LRRC37B: variants seen among roughly 807,000 people sequenced by gnomAD.
LRRC37B encodes the protein leucine-rich repeat-containing protein 37B.
Under a neutral mutation model 98.3 loss-of-function variants are expected in LRRC37B, and 28 were observed. The ratio of observed to expected loss-of-function variants is 0.28; its 90% CI spans 0.21 to 0.39. The LOEUF (loss-of-function observed/expected upper bound fraction) is 0.39, where lower values mean the gene tolerates loss of function less well. Ranked by LOEUF, LRRC37B falls within the 10% of genes least tolerant of loss-of-function variation. The probability of loss-of-function intolerance (pLI) is 1.00; values close to 1 mark genes in which losing one functional copy is unlikely to be tolerated. For missense variants in LRRC37B, 938 were observed against 1,182.7 expected, an observed-to-expected ratio of 0.79 and a Z score of 3.03; for synonymous variants, 364 against 442.7, an observed-to-expected ratio of 0.82 and a Z score of 2.23.
intron 1 of LRRC37B, among the ~76,000 whole-genome samples, chr17:32,008,416 T>C (rs1443514188): frequency 6.6e-6 from 1 of 152,200 alleles, no homozygotes; most frequent in Non-Finnish European, 1.5e-5. Flanking sequence ...GCCAGTGCAG[T>C]GTCTCCACCG....
Position 32,034,777 on chromosome 17 carries a change from G to A in LRRC37B, c.2058-133G>A, listed in dbSNP as rs913349560. 24 of 625,462 alleles carry A rather than the reference G, an allele frequency of 3.8e-5. No homozygotes were observed. The African/African-American group carries it at 4.1e-4, about 11-fold the overall frequency. The allele number at this position is 625,462 out of a possible 1,614,324, so 38.7% of individuals were successfully genotyped here. Reference sequence around the variant, plus strand: ...GGAATAGTGCTTTATGGAGTCTAATGGTGATTTATTATGTAAAAGCAGAAA... The same window carrying A: ...GGAATAGTGCTTTATGGAGTCTAATAGTGATTTATTATGTAAAAGCAGAAA... On this transcript the variant is annotated intron_variant, in intron 5 of 11. Coordinates refer to ENST00000327564, the Ensembl canonical transcript of LRRC37B.
chr17:32,044,818 G>T (rs565126660), intron 7 of LRRC37B, among the ~76,000 whole-genome samples: 114 of 152,260 alleles, frequency 7.5e-4, no homozygotes, highest in Non-Finnish European at 1.6e-3. Flanking sequence ...TGAGCCCAGG[G>T]GGTCGAGGCT....
At chr17:32,007,902 G>A (rs1910446993), upstream of LRRC37B, 9 of 817,076 alleles carry the variant, frequency 1.1e-5, no homozygotes, top group African/African-American at 1.8e-5. This position sits in a 1 kb window ranked among gnomAD's most constrained non-coding sequence, Gnocchi z 4.1. Context: ...CACCTAGCCC[G>A]GACCACCGCA....
chr17:32,038,873 G>T (rs1345406346), intron 7 of LRRC37B, among the ~76,000 whole-genome samples: 1 of 152,144 alleles, frequency 6.6e-6, no homozygotes, highest in Non-Finnish European at 1.5e-5. Context: ...AATAAAGAAA[G>T]AAAGAAAATA....
intron 4 of LRRC37B, among the ~76,000 whole-genome samples, chr17:32,031,159 A>C (rs1911096407): frequency 6.6e-6 from 1 of 152,150 alleles, no homozygotes; most frequent in East Asian, 1.9e-4. Flanking sequence ...AGATCACTTA[A>C]CACAGGTATT....
intron 1 of LRRC37B, among the ~76,000 whole-genome samples, chr17:32,010,827 C>T (rs1379561821): frequency 1.3e-5 from 2 of 152,146 alleles, no homozygotes; most frequent in Non-Finnish European, 2.9e-5. Flanking sequence ...CATTCTACTG[C>T]CTATCTCCAT....
intron 7 of LRRC37B, among the ~76,000 whole-genome samples, chr17:32,037,361 G>T (rs562972111): frequency 2.9e-4 from 44 of 151,990 alleles, no homozygotes; most frequent in African/African-American, 1.1e-3. Flanking sequence ...GGCCTCCCAG[G>T]TTCAAGTGAT....
At chr17:32,044,876 T>C (rs1911531735) in intron 7 of LRRC37B, among the ~76,000 whole-genome samples, 1 of 152,224 alleles carries the variant, frequency 6.6e-6, no homozygotes, top group South Asian at 2.1e-4. Context: ...GGTGACAGAC[T>C]GAGACCTTGT....
chr17:32,021,072 C>T (rs1910756330), exon 1 of LRRC37B: 1 of 1,612,090 alleles, frequency 6.2e-7, no homozygotes. Context: ...GGGCATGGCA[C>T]ACGCTTATAA....
intron 2 of LRRC37B, among the ~76,000 whole-genome samples, chr17:32,025,740 A>G (rs1910935042): frequency 6.6e-6 from 1 of 152,218 alleles, no homozygotes; most frequent in African/African-American, 2.4e-5. Context: ...CTTAGTGGGC[A>G]AGTATTCCTG....
At chr17:32,022,737 C>T (rs1044849) in exon 1 of LRRC37B, 14 of 1,613,904 alleles carry the variant, frequency 8.7e-6, no homozygotes, top group Non-Finnish European at 1.2e-5. Context: ...AGATGAGACT[C>T]TGTCATGTGT....
chr17:32,007,893 A>T, upstream of LRRC37B: 1 of 939,738 alleles, frequency 1.1e-6, no homozygotes, highest in Non-Finnish European at 1.3e-6. This position sits in a 1 kb window ranked among gnomAD's most constrained non-coding sequence, Gnocchi z 4.1. Context: ...GGGGGCAGCC[A>T]CCTAGCCCGG....
intron 7 of LRRC37B, among the ~76,000 whole-genome samples, chr17:32,037,657 C>A (rs537373356): frequency 2.0e-4 from 31 of 152,336 alleles, no homozygotes; most frequent in African/African-American, 7.5e-4. Flanking sequence ...TTTTAATTTG[C>A]ATTTCTTTAA....
chr17:32,031,426 G>C (rs554014269), exon 5 of LRRC37B: 1 of 1,609,572 alleles, frequency 6.2e-7, no homozygotes, highest in African/African-American at 1.3e-5. Context: ...GAACATTTCA[G>C]GCCTGGCACG....
At chr17:32,008,745 T>C (rs1022870454) in intron 1 of LRRC37B, among the ~76,000 whole-genome samples, 9 of 152,338 alleles carry the variant, frequency 5.9e-5, no homozygotes, top group African/African-American at 2.2e-4. Flanking sequence ...GTTTTTATTC[T>C]TCGAGTGCTG....
Position 32,048,857 on chromosome 17 carries a change from C to T in LRRC37B, c.2465-245C>T, listed in dbSNP as rs1911662505. ...TCTGGAAGTAGTTGCTCCTTCAGAA[C>T]GTTTTATAGAAAACACTAGTGTAAA... On this transcript the variant is annotated intron_variant, in intron 9 of 11. Transcript: ENST00000327564. The T allele has an allele frequency of 6.5e-5, 98 of 1,496,336 alleles. 1 individual carries two copies. Among genetic ancestry groups the T allele is most frequent in the South Asian group, 6.2e-4 (55 of 88,084 alleles). The allele number at this position is 1,496,336 out of a possible 1,614,324, so 92.7% of individuals were successfully genotyped here. A position where few individuals can be genotyped will look rare whatever the true frequency, so the allele number is the denominator to read the frequency against.
At chr17:32,013,020 AACAG>A (rs1055068831) in intron 1 of LRRC37B, among the ~76,000 whole-genome samples, 6 of 147,672 alleles carry the variant, frequency 4.1e-5, no homozygotes, top group Non-Finnish European at 9.0e-5. Flanking sequence ...CCGTCTTGAA[AACAG>A]ACAGACAAAC....
intron 2 of LRRC37B, among the ~76,000 whole-genome samples, chr17:32,025,029 C>A (rs1277452010): frequency 5.7e-5 from 2 of 35,258 alleles, no homozygotes; most frequent in Admixed American, 4.4e-4. Context: ...TTTTTTTCCT[C>A]GTTTTTTTTT....
chr17:32,022,490 C>G (rs1598204018), exon 1 of LRRC37B: 5 of 1,613,154 alleles, frequency 3.1e-6, no homozygotes, highest in Non-Finnish European at 4.2e-6. Flanking sequence ...AGCCTCCAGA[C>G]CCGGGGCTTG....
Sources: gnomAD v4.1 joint callset for allele counts (sites outside exome capture counted in the v4.1 genomes callset) on GRCh38, gnomAD v4.1.1 for gene constraint, Gnocchi (gnomAD v3.1) non-coding constraint, MANE v1.5 for transcripts, NCBI Gene and HGNC (gene_info 2026-07-23, HGNC 2026-07-21) for gene names.